The following SGCG variants were observed in gnomAD, a reference collection of about 807,000 sequenced individuals.
SGCG encodes sarcoglycan gamma.
SGCG carries 26 observed loss-of-function variants against 29.3 expected under a neutral mutation model. That is an observed-to-expected ratio of 0.89 (90% CI 0.65 to 1.23). SGCG has a LOEUF of 1.23. Among genes scored for constraint, SGCG ranks in the 50% most tolerant of loss-of-function variants. SGCG has a pLI of 0.00. For missense variants in SGCG, 353 were observed against 356.0 expected (o/e 0.99, Z 0.07); for synonymous variants, 145 against 129.7 (o/e 1.12, Z -0.80).
intron 6 of SGCG, among the ~76,000 whole-genome samples, chr13:23,313,571 G>A (rs978239955): frequency 7.9e-5 from 12 of 152,166 alleles, no homozygotes; most frequent in Admixed American, 3.3e-4. Flanking sequence ...TGAATATGGG[G>A]TAAACTTTGG....
intron 4 of SGCG, among the ~76,000 whole-genome samples, chr13:23,276,832 C>T (rs1394827281): frequency 6.6e-6 from 1 of 152,210 alleles, no homozygotes; most frequent in Non-Finnish European, 1.5e-5. Context: ...CTAGTCAAGA[C>T]TCTCTCATGC....
intron 4 of SGCG, among the ~76,000 whole-genome samples, chr13:23,254,450 A>C (rs531504715): frequency 6.6e-6 from 1 of 152,290 alleles, no homozygotes; most frequent in East Asian, 1.9e-4. Flanking sequence ...GCAGCAAAGT[A>C]TTCAAGAAGC....
At chr13:23,191,825 C>T (rs1877266406) in intron 1 of SGCG, among the ~76,000 whole-genome samples, 1 of 152,134 alleles carries the variant, frequency 6.6e-6, no homozygotes, top group South Asian at 2.1e-4. Context: ...TATTCAAAGA[C>T]AGTGCTTACG....
At chr13:23,170,988 G>A in the SGCG span, among the ~76,000 whole-genome samples, 1 of 152,166 alleles carries the variant, frequency 6.6e-6, no homozygotes, top group Non-Finnish European at 1.5e-5. Context: ...GTATAATTTG[G>A]CTTGATTGTA....
At chr13:23,269,880 T>G (rs1566024403) in intron 4 of SGCG, among the ~76,000 whole-genome samples, 1 of 105,960 alleles carries the variant, frequency 9.4e-6, no homozygotes, top group African/African-American at 2.9e-5. Context: ...TTTTGTTTTT[T>G]TTGTTTTTTT....
intron 1 of SGCG, among the ~76,000 whole-genome samples, chr13:23,202,941 AT>A (rs1207318939): frequency 6.6e-6 from 1 of 152,068 alleles, no homozygotes; most frequent in Non-Finnish European, 1.5e-5. Context: ...AAAATGAATA[AT>A]TTTTTAAGTT....
chr13:23,267,782 T>C (rs532594391), intron 4 of SGCG: 4 of 152,356 alleles, frequency 2.6e-5, no homozygotes, highest in African/African-American at 9.6e-5. Flanking sequence ...GTCAGTGTTA[T>C]CTTAAGTGTG....
At chr13:23,291,099 C>T (rs1049630148) in intron 5 of SGCG, among the ~76,000 whole-genome samples, 2 of 152,192 alleles carry the variant, frequency 1.3e-5, no homozygotes, top group African/African-American at 4.8e-5. Context: ...TACTCCTTCA[C>T]AGTAGAATTG....
chr13:23,168,761 A>G, the SGCG span, among the ~76,000 whole-genome samples: 3 of 152,250 alleles, frequency 2.0e-5, no homozygotes, highest in African/African-American at 4.8e-5. Context: ...AATCATTGAT[A>G]ACAATTATCT....
intron 2 of SGCG, among the ~76,000 whole-genome samples, chr13:23,220,429 A>T (rs1451650073): frequency 1.3e-5 from 2 of 152,158 alleles, no homozygotes; most frequent in African/African-American, 4.8e-5. Context: ...CAGCCTGGGC[A>T]ACGAGCGAAA....
At chr13:23,201,664 T>C (rs1161090487) in intron 1 of SGCG, among the ~76,000 whole-genome samples, 2 of 152,198 alleles carry the variant, frequency 1.3e-5, no homozygotes, top group African/African-American at 4.8e-5. Context: ...TAAGATAAAA[T>C]TGTGTTAAGC....
intron 6 of SGCG, among the ~76,000 whole-genome samples, chr13:23,296,548 A>C (rs1262406841): frequency 6.6e-6 from 1 of 151,976 alleles, no homozygotes; most frequent in Non-Finnish European, 1.5e-5. Flanking sequence ...TTTATCTCGC[A>C]AAACTGAAAC....
chr13:23,267,342 C>G (rs1880678429), intron 4 of SGCG, among the ~76,000 whole-genome samples: 1 of 152,176 alleles, frequency 6.6e-6, no homozygotes, highest in South Asian at 2.1e-4. Context: ...TCACTACAGA[C>G]CTGATGTGGA....
intron 2 of SGCG, among the ~76,000 whole-genome samples, chr13:23,225,717 C>T (rs1593183472): frequency 6.6e-6 from 1 of 151,694 alleles, no homozygotes; most frequent in East Asian, 1.9e-4. Context: ...AGAATGAGTC[C>T]AGAGCCAGAT....
intron 7 of SGCG, among the ~76,000 whole-genome samples, chr13:23,322,771 T>TCCCCCCCCCCCCC (rs79538128): frequency 1.7e-5 from 1 of 59,856 alleles, no homozygotes. Flanking sequence ...CCCATCCACC[T>TCCCCCCCCCCCCC]CCCCCCCCCC....
the SGCG span, among the ~76,000 whole-genome samples, chr13:23,160,904 T>C: frequency 6.6e-6 from 1 of 152,180 alleles, no homozygotes; most frequent in Non-Finnish European, 1.5e-5. Flanking sequence ...ACAGTTGGCT[T>C]TTCTTTGCCC....
intron 2 of SGCG, among the ~76,000 whole-genome samples, chr13:23,216,888 C>T (rs685017): frequency 0.23 from 34,697 of 152,028 alleles, 4,147 homozygotes; most frequent in Middle Eastern, 0.33. Flanking sequence ...TCTGTTTGAT[C>T]ATCTGGTCTG....
At chr13:23,296,949 C>T (rs1191020033) in intron 6 of SGCG, among the ~76,000 whole-genome samples, 4 of 152,064 alleles carry the variant, frequency 2.6e-5, no homozygotes, top group African/African-American at 9.7e-5. Context: ...TTCATGCTAT[C>T]ACTTAAAATC....
intron 2 of SGCG, chr13:23,217,583 T>G (rs1469631275): frequency 6.6e-6 from 1 of 152,058 alleles, no homozygotes; most frequent in African/African-American, 2.4e-5. Flanking sequence ...TCTCTTCTTG[T>G]GTCTGGAGTT....
Sources: gnomAD v4.1 joint callset for allele counts (sites outside exome capture counted in the v4.1 genomes callset) on GRCh38, gnomAD v4.1.1 for gene constraint, MANE v1.5 for transcripts, NCBI Gene and HGNC (gene_info 2026-07-23, HGNC 2026-07-21) for gene names.